Variants in PUDP observed in about 807,000 individuals in gnomAD.
PUDP encodes the protein pseudouridine-5'-phosphatase.
PUDP carries 8 observed loss-of-function variants against 9.4 expected under a neutral mutation model. The observed-to-expected ratio is 0.85, with a 90% CI of 0.50 to 1.53. The LOEUF is 1.53. PUDP is among the 40% of genes most tolerant of loss of function. The pLI, the probability that PUDP is intolerant of heterozygous loss-of-function variation, is 0.00. For synonymous variants in PUDP, 99 were observed against 80.7 expected, an observed-to-expected ratio of 1.23 and a Z score of -1.22; for missense variants, 188 against 189.7, an observed-to-expected ratio of 0.99 and a Z score of 0.05.
At chrX:6,810,910 A>G (rs1301127732) in intron 3 of PUDP, among the ~76,000 whole-genome samples, 9 of 111,503 alleles carry the variant, frequency 8.1e-5, no homozygotes, top group Non-Finnish European at 1.7e-4. Flanking sequence ...GGGTTTTTAG[A>G]TAACGTTAGT....
At chrX:6,711,374 CCTTCCGGGTGTG>C (rs1240332022) in intron 1 of PUDP, among the ~76,000 whole-genome samples, 1 of 111,344 alleles carries the variant, frequency 9.0e-6, no homozygotes, top group Non-Finnish European at 1.9e-5. Flanking sequence ...AGCGCTCCTT[CCTTCCGGGTGTG>C]CTGCGAGACC....
chrX:7,100,060 C>T (rs1177159366), intron 2 of PUDP, among the ~76,000 whole-genome samples: 1 of 103,916 alleles, frequency 9.6e-6, no homozygotes, highest in East Asian at 3.1e-4. Flanking sequence ...ACCACCCACC[C>T]ACCAACAGCA....
chrX:6,869,666 C>T (rs1361243032), intron 3 of PUDP, among the ~76,000 whole-genome samples: 3 of 110,428 alleles, frequency 2.7e-5, no homozygotes, highest in Non-Finnish European at 3.8e-5. Context: ...CTCAATATCA[C>T]TAATCACTAG....
intron 3 of PUDP, among the ~76,000 whole-genome samples, chrX:6,797,712 G>A (rs1275647001): frequency 8.9e-6 from 1 of 112,008 alleles, no homozygotes; most frequent in African/African-American, 3.2e-5. Flanking sequence ...CTCATGAGAT[G>A]CCTGAGCCAG....
chrX:7,028,033 T>G (rs890952633), intron 1 of PUDP, among the ~76,000 whole-genome samples: 2 of 105,612 alleles, frequency 1.9e-5, no homozygotes, highest in Admixed American at 1.0e-4. Flanking sequence ...AGTTTATATA[T>G]AGAATGATAT....
rs57145272 is a variant in PUDP at position 6,872,306 on chromosome X, C to A, written c.*247+104827G>T. Among the ~76,000 whole-genome samples, 699 of 111,580 alleles carry A rather than the reference C, an allele frequency of 6.3e-3. 7 individuals are homozygous for A. The highest frequency in any genetic ancestry group is 0.021 in the African/African-American group (655 of 30,723). Reference sequence around the variant, plus strand: ...TCATTGTGCCTTGCCTTTATGCATACCTTGGTATCCAAATCTTCCCTTTTT... The same window carrying A: ...TCATTGTGCCTTGCCTTTATGCATAACTTGGTATCCAAATCTTCCCTTTTT... On this transcript the variant is annotated intron_variant and NMD_transcript_variant, in intron 3 of 3. Transcript: ENST00000655425.
chrX:6,895,896 C>T (rs1026207364), intron 3 of PUDP, among the ~76,000 whole-genome samples: 1 of 110,677 alleles, frequency 9.0e-6, no homozygotes, highest in Non-Finnish European at 1.9e-5. Flanking sequence ...TCACTATGTC[C>T]TCACGTGGGG....
At chrX:6,870,929 C>T (rs1927165847) in intron 3 of PUDP, among the ~76,000 whole-genome samples, 1 of 111,674 alleles carries the variant, frequency 9.0e-6, no homozygotes, top group Admixed American at 9.5e-5. Context: ...CCTCAAATTC[C>T]TGGGCTCAAG....
intron 3 of PUDP, among the ~76,000 whole-genome samples, chrX:6,836,699 T>G (rs1353459966): frequency 8.9e-6 from 1 of 112,425 alleles, no homozygotes; most frequent in Non-Finnish European, 1.9e-5. Flanking sequence ...GGCTAATCTC[T>G]TATAGCCTCC....
rs183617640 is a variant in PUDP, at chrX:6,822,993, G to A, written c.*248-116527C>T. Among the ~76,000 whole-genome samples the A allele has an allele frequency of 3.9e-4, 43 of 110,864 alleles. No individual in the cohort carries two copies. The Middle Eastern group carries it at 0.018, about 47-fold the overall frequency. On this transcript the variant is annotated intron_variant and NMD_transcript_variant, in intron 3 of 3. Transcript: ENST00000655425. ...AAGTTAATCTGTCTTTTCTTTTAAG[G>A]GGCCTCAGGCATGAGTATAGGATGG...
rs143902449 is a variant in PUDP at position 6,965,846 on chromosome X, T to C, written c.*247+11287A>G. ...AATCAACTGTATTAAAGACTTTATT[T>C]AACTCTTGAGTTAGGAAACTGGTTG... is the stretch of plus-strand genomic sequence containing the variant. On this transcript the variant is annotated intron_variant and NMD_transcript_variant, in intron 3 of 3. Coordinates refer to the PUDP transcript ENST00000655425. Among the ~76,000 whole-genome samples the C allele has an allele frequency of 1.4e-3, 162 of 112,077 alleles. 2 individuals are homozygous for C. Among genetic ancestry groups the C allele is most frequent in the Non-Finnish European group, 2.6e-3 (138 of 53,251 alleles).
At chrX:6,870,371 G>A (rs1406596160) in intron 3 of PUDP, among the ~76,000 whole-genome samples, 1 of 111,748 alleles carries the variant, frequency 8.9e-6, no homozygotes, top group Non-Finnish European at 1.9e-5. Flanking sequence ...GAATCATGGG[G>A]GCAGGTCTTT....
At chrX:6,839,993 T>C (rs1926642427) in intron 3 of PUDP, among the ~76,000 whole-genome samples, 1 of 110,959 alleles carries the variant, frequency 9.0e-6, no homozygotes, top group South Asian at 4.0e-4. Context: ...TATCCTTTAG[T>C]AGGTGATATG....
intron 1 of PUDP, among the ~76,000 whole-genome samples, chrX:7,005,330 G>C (rs760046136): frequency 6.3e-5 from 7 of 111,278 alleles, no homozygotes; most frequent in African/African-American, 2.3e-4. Flanking sequence ...AGAGGTACAG[G>C]AGTGAGGCAA....
At chrX:6,802,503 C>T (rs749420218) in intron 3 of PUDP, among the ~76,000 whole-genome samples, 29 of 111,710 alleles carry the variant, frequency 2.6e-4, no homozygotes, top group Non-Finnish European at 5.6e-5. Flanking sequence ...CTCTAAGCTG[C>T]TAACATCTAT....
intron 1 of PUDP, among the ~76,000 whole-genome samples, chrX:7,002,238 A>G (rs1273668871): frequency 8.9e-6 from 1 of 112,076 alleles, no homozygotes; most frequent in African/African-American, 3.2e-5. Context: ...TGAGACATAG[A>G]TATTGTTTTA....
intron 3 of PUDP, among the ~76,000 whole-genome samples, chrX:6,961,514 G>A (rs1353351957): frequency 8.9e-6 from 1 of 112,025 alleles, no homozygotes; most frequent in African/African-American, 3.2e-5. Flanking sequence ...GCACACAGGA[G>A]TGCTAAACAA....
chrX:6,750,740 G>C (rs1348491350), intron 3 of PUDP, among the ~76,000 whole-genome samples: 2 of 111,783 alleles, frequency 1.8e-5, no homozygotes, highest in Non-Finnish European at 3.8e-5. Context: ...GTGGCAGTTT[G>C]GTTATTAACC....
intron 1 of PUDP, among the ~76,000 whole-genome samples, chrX:7,125,752 C>T (rs1602821531): frequency 8.9e-6 from 1 of 111,759 alleles, no homozygotes; most frequent in South Asian, 3.8e-4. Flanking sequence ...TCTCACTTGG[C>T]GGCAGACGTG....
Sources: allele counts gnomAD v4.1 joint callset (sites outside exome capture counted in the v4.1 genomes callset), GRCh38; gene constraint gnomAD v4.1.1; transcripts MANE v1.5; gene names NCBI Gene and HGNC (gene_info 2026-07-23, HGNC 2026-07-21).